Variants in PCDH15 observed in about 807,000 individuals in gnomAD.
PCDH15 encodes protocadherin related 15.
A neutral mutation model predicts 178.5 loss-of-function variants in PCDH15; 129 were observed. The observed-to-expected ratio is 0.72, with a 90% confidence interval of 0.63 to 0.84. The LOEUF (loss-of-function observed/expected upper bound fraction) is 0.84. PCDH15 is among the 40% of genes least tolerant of loss of function. PCDH15 has a pLI of 0.00. For synonymous variants in PCDH15, 800 were observed against 732.0 expected (o/e 1.09, Z -1.50); for missense variants, 2,230 against 2,099.9 (o/e 1.06, Z -1.21).
At chr10:55,024,327 A>T (rs77741483) in intron 2 of PCDH15, among the ~76,000 whole-genome samples, 2 of 147,002 alleles carry the variant, frequency 1.4e-5, no homozygotes, top group Admixed American at 6.9e-5. Flanking sequence ...ATATATATAT[A>T]TTCCCATATA....
chr10:53,815,290 T>C lies in PCDH15; in HGVS notation c.4491+949A>G, dbSNP rs935767724. ...AAAAACAACAACAATAATTGTAATT[T>C]ACTGAATTTCTTCCTGTTACATTCC... On this transcript the variant is annotated intron_variant, in intron 35 of 37. Coordinates refer to ENST00000644397, the MANE Select transcript of PCDH15 (RefSeq NM_001384140.1). Among the ~76,000 whole-genome samples the C allele has an allele frequency of 3.9e-5, 6 of 152,240 alleles. 1 individual carries two copies. In the South Asian group the frequency reaches 1.2e-3, roughly 31 times the overall value.
intron 2 of PCDH15, among the ~76,000 whole-genome samples, chr10:54,536,997 C>CTTTTTTTTT (rs747880795): frequency 6.5e-5 from 6 of 92,094 alleles, no homozygotes; most frequent in South Asian, 4.1e-4. Context: ...AATTTGTTTC[C>CTTTTTTTTT]TTTTTTTTTT....
chr10:54,313,334 C>G (rs1463370709), intron 8 of PCDH15, among the ~76,000 whole-genome samples: 2 of 152,058 alleles, frequency 1.3e-5, no homozygotes, highest in Non-Finnish European at 2.9e-5. Context: ...GGTTTGTCAT[C>G]TGAAGACTGA....
intron 1 of PCDH15, among the ~76,000 whole-genome samples, chr10:54,675,006 A>G (rs748857350): frequency 2.6e-5 from 4 of 152,046 alleles, no homozygotes; most frequent in Non-Finnish European, 5.9e-5. Context: ...TCCTACAAAT[A>G]CCTAATTTTA....
chr10:55,163,637 C>T (rs779602129), intron 2 of PCDH15, among the ~76,000 whole-genome samples: 34 of 152,134 alleles, frequency 2.2e-4, no homozygotes, highest in Non-Finnish European at 4.9e-4. Flanking sequence ...CAAACAAAAT[C>T]TGCCCAAACC....
chr10:55,542,563 A>G (rs1841790041), intron 2 of PCDH15, among the ~76,000 whole-genome samples: 1 of 150,612 alleles, frequency 6.6e-6, no homozygotes, highest in African/African-American at 2.4e-5. Flanking sequence ...ATGTGTATAT[A>G]CACATATATA....
At chr10:53,979,541 A>G (rs954241604) in intron 21 of PCDH15, among the ~76,000 whole-genome samples, 2 of 152,220 alleles carry the variant, frequency 1.3e-5, no homozygotes, top group African/African-American at 4.8e-5. Context: ...TTTTCAATCT[A>G]TAACCTATAA....
At chr10:54,089,393 A>AG (rs1030487719) in intron 16 of PCDH15, among the ~76,000 whole-genome samples, 6 of 152,240 alleles carry the variant, frequency 3.9e-5, no homozygotes, top group African/African-American at 1.4e-4. Flanking sequence ...CTATTGCAAA[A>AG]GGGAAGCATA....
intron 3 of PCDH15, among the ~76,000 whole-genome samples, chr10:54,397,833 G>T (rs1443577127): frequency 6.6e-6 from 1 of 151,768 alleles, no homozygotes; most frequent in African/African-American, 2.4e-5. Flanking sequence ...ATTATTACAA[G>T]GATTCTAGAC....
intron 17 of PCDH15, among the ~76,000 whole-genome samples, chr10:54,074,478 C>G (rs1462252719): frequency 6.6e-6 from 1 of 152,152 alleles, no homozygotes; most frequent in Non-Finnish European, 1.5e-5. Context: ...TCTCACTTAG[C>G]ATAATGTTCT....
rs1332804441 is a variant in PCDH15 at position 53,803,609 on chromosome 10, A to T, written c.*2970T>A. On this transcript the variant is annotated 3_prime_UTR_variant, in exon 38 of 38. Transcript: ENST00000644397. Reference sequence around the variant, plus strand: ...CAACCTACGGTTGCAATTCTATGACAACTCTCAGAGTCTGTAATTAATGAG... The same window carrying T: ...CAACCTACGGTTGCAATTCTATGACTACTCTCAGAGTCTGTAATTAATGAG... The T allele has an allele frequency of 6.6e-6, 1 of 151,974 alleles. No homozygotes were observed. The highest frequency in any genetic ancestry group is 1.9e-4 in the East Asian group (1 of 5,192). The allele number at this position is 151,974 out of a possible 1,614,324, so 9.4% of individuals were successfully genotyped here. A position where few individuals can be genotyped will look rare whatever the true frequency, so the allele number is the denominator to read the frequency against.
intron 13 of PCDH15, among the ~76,000 whole-genome samples, chr10:54,155,717 A>C (rs1386242448): frequency 6.6e-6 from 1 of 151,404 alleles, no homozygotes; most frequent in South Asian, 2.1e-4. Flanking sequence ...GAATTGCTTG[A>C]ACCTGAGAGG....
chr10:54,195,701 C>T lies in PCDH15; in HGVS notation c.1287G>A (p.Leu429=). The change falls in exon 11 of 38, where the codon CTG becomes CTA. Residue 429 remains leucine (L), a synonymous_variant. Coordinates refer to ENST00000644397, the MANE Select transcript of PCDH15 (RefSeq NM_001384140.1). ...NLTSPLRIVA[L]DKDIEDTKDP... is the part of the protein sequence containing the mutation. ...AACTTACATCTTCTATGTCCTTGTC[C>T]AGAGCTACTATTCTTAAAGGTGAAG... The T allele has an allele frequency of 6.2e-7, 1 of 1,613,848 alleles. No individual in the cohort carries two copies. Among genetic ancestry groups the T allele is most frequent in the Non-Finnish European group, 8.5e-7 (1 of 1,179,806 alleles).
chr10:54,320,771 A>G (rs1368550644), intron 7 of PCDH15, among the ~76,000 whole-genome samples: 1 of 152,000 alleles, frequency 6.6e-6, no homozygotes, highest in Non-Finnish European at 1.5e-5. Context: ...GTCTTAAAAA[A>G]ATGATGAGGA....
chr10:55,187,026 AT>A (rs991747827), intron 1 of PCDH15, among the ~76,000 whole-genome samples: 4 of 151,868 alleles, frequency 2.6e-5, no homozygotes, highest in Admixed American at 6.6e-5. Flanking sequence ...AAATGCACTT[AT>A]TTTTTCTATA....
intron 15 of PCDH15, 89 bp downstream of exon 15, chr10:54,132,786 C>T: frequency 1.9e-6 from 3 of 1,539,934 alleles, no homozygotes; most frequent in East Asian, 2.5e-5. Flanking sequence ...AGGTTTCTCC[C>T]TCCATACACA....
chr10:55,447,265 C>T (rs1839337738), intron 2 of PCDH15, among the ~76,000 whole-genome samples: 1 of 151,914 alleles, frequency 6.6e-6, no homozygotes, highest in Non-Finnish European at 1.5e-5. Context: ...CAACAAGTAT[C>T]TATGAGACAA....
At chr10:54,588,931 G>T (rs1024041048) in intron 2 of PCDH15, among the ~76,000 whole-genome samples, 8 of 152,042 alleles carry the variant, frequency 5.3e-5, no homozygotes, top group Non-Finnish European at 1.2e-4. Context: ...GGAAAAAAAT[G>T]GTGATATTAA....
chr10:55,109,979 A>T (rs1474850677), intron 2 of PCDH15, among the ~76,000 whole-genome samples: 1 of 151,586 alleles, frequency 6.6e-6, no homozygotes. Flanking sequence ...ATTTAACATA[A>T]TTCTTTCACA....
Sources: gnomAD v4.1 joint callset for allele counts (sites outside exome capture counted in the v4.1 genomes callset) on GRCh38, gnomAD v4.1.1 for gene constraint, MANE v1.5 for transcripts, NCBI Gene and HGNC (gene_info 2026-07-23, HGNC 2026-07-21) for gene names.